Variants in CASK observed in about 807,000 individuals in gnomAD.
CASK encodes the protein calcium/calmodulin dependent serine protein kinase.
CASK carries 4 observed loss-of-function variants against 82.9 expected under a neutral mutation model. That is an observed-to-expected ratio of 0.05 (90% CI 0.02 to 0.11). CASK has a LOEUF of 0.11. CASK is among the 10% of genes least tolerant of loss of function. The pLI, the probability that CASK is intolerant of heterozygous loss-of-function variation, is 1.00. For synonymous variants in CASK, 259 were observed against 253.5 expected (o/e 1.02, Z -0.20); for missense variants, 358 against 720.9 (o/e 0.50, Z 5.76).
intron 3 of CASK, among the ~76,000 whole-genome samples, chrX:41,780,431 C>T (rs779117644): frequency 3.6e-5 from 4 of 111,301 alleles, no homozygotes; most frequent in Non-Finnish European, 5.6e-5. Context: ...TTGACCTGCC[C>T]GGTCAGAACT....
intron 25 of CASK, among the ~76,000 whole-genome samples, chrX:41,530,466 T>C (rs1242820569): frequency 8.9e-6 from 1 of 112,106 alleles, no homozygotes; most frequent in Non-Finnish European, 1.9e-5. Flanking sequence ...GGTAAGGAAA[T>C]GGCAGAGGCT....
chrX:41,562,681 G>A (rs1407707879), intron 16 of CASK: 1 of 111,452 alleles, frequency 9.0e-6, no homozygotes, highest in Non-Finnish European at 1.9e-5. Context: ...TTAGAACTGA[G>A]TTATAAAAAT....
At chrX:41,552,011 C>A (rs1353202443) in intron 21 of CASK, among the ~76,000 whole-genome samples, 1 of 108,079 alleles carries the variant, frequency 9.3e-6, no homozygotes, top group Non-Finnish European at 1.9e-5. Context: ...ACTGCAACTT[C>A]CACTTCTCGG....
intron 1 of CASK, among the ~76,000 whole-genome samples, chrX:41,872,127 T>G (rs2071717614): frequency 8.9e-6 from 1 of 112,740 alleles, no homozygotes; most frequent in Non-Finnish European, 1.9e-5. Flanking sequence ...ACTGCTTTTT[T>G]GCTACAGCAG....
chrX:41,829,966 T>G (rs1267667898), intron 2 of CASK, among the ~76,000 whole-genome samples: 2 of 104,267 alleles, frequency 1.9e-5, no homozygotes, highest in Non-Finnish European at 3.9e-5. Context: ...CCTTGTTTAC[T>G]GCTCATGTGG....
chrX:41,677,107 G>C (rs1276135942), intron 5 of CASK, among the ~76,000 whole-genome samples: 2 of 102,081 alleles, frequency 2.0e-5, no homozygotes, highest in African/African-American at 7.3e-5. Flanking sequence ...AGGAGTTTCA[G>C]ACCAGCCTGG....
At chrX:41,878,543 C>A (rs2071878630) in intron 1 of CASK, among the ~76,000 whole-genome samples, 2 of 110,531 alleles carry the variant, frequency 1.8e-5, no homozygotes, top group Non-Finnish European at 3.8e-5. Flanking sequence ...TTCACAAATT[C>A]AAAAAATACC....
rs192262166 is a variant in CASK, at chrX:41,833,763, T to C, written c.172+19352A>G. On this transcript the variant is annotated intron_variant, in intron 2 of 26. Coordinates refer to ENST00000378163, the MANE Select transcript of CASK (RefSeq NM_001367721.1). ...ATGACTTAATAAAAATTATGCTTTT[T>C]TTTGAGGCAGGATCTTACTCTGTCG... Among the ~76,000 whole-genome samples the C allele has an allele frequency of 6.0e-3, 672 of 111,941 alleles. 3 individuals carry two copies. Among genetic ancestry groups the C allele is most frequent in the Non-Finnish European group, 8.4e-3 (444 of 53,153 alleles).
At chrX:41,613,133 C>T (rs1289451082) in intron 11 of CASK, among the ~76,000 whole-genome samples, 4 of 112,064 alleles carry the variant, frequency 3.6e-5, no homozygotes. Flanking sequence ...GGGAGGTGTA[C>T]CCAACAGCTC....
chrX:41,522,027 A>T (rs1199309683), intron 26 of CASK: 1 of 111,949 alleles, frequency 8.9e-6, no homozygotes, highest in African/African-American at 3.2e-5. Context: ...GGTGACAGAG[A>T]CAGATCTCCA....
At chrX:41,641,510 C>T (rs2066652652) in intron 8 of CASK, among the ~76,000 whole-genome samples, 2 of 111,433 alleles carry the variant, frequency 1.8e-5, no homozygotes, top group South Asian at 3.8e-4. Context: ...CTTAGATGGC[C>T]TACTTTTGTT....
At chrX:41,834,067 C>T (rs756974171) in intron 2 of CASK, among the ~76,000 whole-genome samples, 62 of 112,367 alleles carry the variant, frequency 5.5e-4, no homozygotes, top group Non-Finnish European at 9.6e-4. Flanking sequence ...AATCCATCAA[C>T]TTACAAATTG....
intron 11 of CASK, 79 bp downstream of exon 11, chrX:41,622,538 C>A: frequency 1.2e-6 from 1 of 824,530 alleles, no homozygotes; most frequent in South Asian, 2.6e-5. Context: ...AGGAAAAAGT[C>A]AAGCTGATTA....
At chrX:41,859,576 C>T (rs1462278194) in intron 1 of CASK, among the ~76,000 whole-genome samples, 1 of 111,246 alleles carries the variant, frequency 9.0e-6, no homozygotes, top group Non-Finnish European at 1.9e-5. Flanking sequence ...TTGCATTTTG[C>T]GCTTTTTCTT....
At chrX:41,652,504 C>T (rs920678470) in intron 8 of CASK, among the ~76,000 whole-genome samples, 1 of 111,885 alleles carries the variant, frequency 8.9e-6, no homozygotes, top group African/African-American at 3.3e-5. Context: ...TGATGGCTGG[C>T]AGCCCCTAGG....
At chrX:41,635,707 C>CTTCTT (rs1193049886) in intron 9 of CASK, 1 of 76,722 alleles carries the variant, frequency 1.3e-5, no homozygotes, top group African/African-American at 4.8e-5. Context: ...TCTTCTTCTT[C>CTTCTT]TTTTTTTTTT....
intron 3 of CASK, among the ~76,000 whole-genome samples, chrX:41,769,863 T>C (rs887246911): frequency 9.0e-6 from 1 of 111,150 alleles, no homozygotes; most frequent in African/African-American, 3.3e-5. Flanking sequence ...GAAGATCACT[T>C]GAGCCCAGGA....
chrX:41,883,292 G>A (rs769459826), intron 1 of CASK, among the ~76,000 whole-genome samples: 1 of 111,797 alleles, frequency 8.9e-6, no homozygotes, highest in East Asian at 2.8e-4. Flanking sequence ...ATAATTTGAA[G>A]CTTTGGAGGA....
chrX:41,582,451 G>T (rs902601886), intron 14 of CASK, among the ~76,000 whole-genome samples: 2 of 110,970 alleles, frequency 1.8e-5, no homozygotes, highest in Admixed American at 9.6e-5. Flanking sequence ...GAGTAGCTGG[G>T]ACTACAGGCG....
Sources: gnomAD v4.1 joint callset for allele counts (sites outside exome capture counted in the v4.1 genomes callset) on GRCh38, gnomAD v4.1.1 for gene constraint, MANE v1.5 for transcripts, NCBI Gene and HGNC (gene_info 2026-07-23, HGNC 2026-07-21) for gene names.